CASP10: variants seen among roughly 807,000 people sequenced by gnomAD.
CASP10 encodes caspase 10, also known as caspase-10.
In CASP10, 41 loss-of-function variants were observed where a neutral mutation model predicts 48.5. That is an observed-to-expected ratio of 0.85 (90% CI 0.66 to 1.10). The LOEUF is 1.10. Among genes scored for constraint, CASP10 ranks in the 50% least tolerant of loss-of-function variants. The pLI is 0.00. For missense variants in CASP10, 614 were observed against 614.5 expected, an observed-to-expected ratio of 1.00 and a Z score of 0.01; for synonymous variants, 232 against 238.4, an observed-to-expected ratio of 0.97 and a Z score of 0.25.
chr2:201,224,756 G>A (rs1053327585), downstream of CASP10, among the ~76,000 whole-genome samples: 4 of 152,120 alleles, frequency 2.6e-5, no homozygotes, highest in Non-Finnish European at 4.4e-5. Flanking sequence ...TTTGAGCTGA[G>A]TACTGGTAAA....
At chr2:201,213,921 G>C (rs1945484653) in intron 9 of CASP10, 1 of 152,190 alleles carries the variant, frequency 6.6e-6, no homozygotes, top group African/African-American at 2.4e-5. Context: ...CTGAGGATGA[G>C]GGTAAGTCGC....
chr2:201,200,319 T>C (rs975509494), intron 5 of CASP10: 37 of 819,346 alleles, frequency 4.5e-5, no homozygotes, highest in Non-Finnish European at 6.6e-5. Context: ...TGATGATTCT[T>C]GTGTGATCCA....
intron 9 of CASP10, chr2:201,213,012 G>A (rs546673925): frequency 3.3e-5 from 5 of 152,200 alleles, no homozygotes; most frequent in African/African-American, 9.6e-5. Context: ...TTTTTGTGAG[G>A]GTTGATAAAG....
At chr2:201,188,410 C>T (rs972950200) in intron 3 of CASP10, among the ~76,000 whole-genome samples, 24 of 152,156 alleles carry the variant, frequency 1.6e-4, no homozygotes, top group African/African-American at 5.8e-4. Flanking sequence ...GAACTCCTGA[C>T]TTCAAGTGAT....
At position 201,219,899 on chromosome 2, in the gene CASP10, A is replaced by C; in HGVS notation, c.*2158A>C. 1 of 985,288 alleles carries C rather than the reference A, an allele frequency of 1.0e-6. No individual in the cohort carries two copies. The highest frequency in any genetic ancestry group is 1.2e-6 in the Non-Finnish European group (1 of 829,918). The allele number at this position is 985,288 out of a possible 1,614,324, so 61.0% of individuals were successfully genotyped here. On this transcript the variant is annotated 3_prime_UTR_variant, in exon 10 of 10. Transcript: ENST00000286186. The stretch of plus-strand genomic sequence containing the variant: ...TCACAGTCCTCATTTACTGGATTTG[A>C]CTTCAGCCAGGTGAACTGGAATGCC...
At chr2:201,188,543 ATC>A (rs1944494636) in intron 3 of CASP10, among the ~76,000 whole-genome samples, 1 of 151,786 alleles carries the variant, frequency 6.6e-6, no homozygotes, top group South Asian at 2.1e-4. Context: ...CTGCCCCCAA[ATC>A]TCTTTCTTTT....
In CASP10 at chr2:201,209,338, C is replaced by T. The variant is rs769490565; in HGVS notation, c.1191C>T (p.Phe397=). The change falls in exon 9 of 10, where the codon TTC becomes TTT. Residue 397 remains phenylalanine, a synonymous_variant. Transcript: ENST00000286186. ...PRLAEKPKLF[F]IQACQGEEIQ... ...TGGCTGAAAAACCTAAACTCTTTTT[C>T]ATCCAGGCCTGCCAAGGTGAAGAGA... 1.2e-6 allele frequency: 2 copies of T among 1,614,126 alleles called. No individual in the cohort carries two copies. Among genetic ancestry groups the T allele is most frequent in the Non-Finnish European group, 1.7e-6 (2 of 1,180,020 alleles).
At chr2:201,228,847 A>G (rs1559320283) in intron 9 of CASP10, 2 of 1,208,016 alleles carry the variant, frequency 1.7e-6, no homozygotes, top group Non-Finnish European at 1.2e-6. Flanking sequence ...TAAAAAAGCT[A>G]TGCCGGGGTC....
chr2:201,212,676 G>A (rs1166444943), intron 9 of CASP10: 1 of 152,168 alleles, frequency 6.6e-6, no homozygotes, highest in Non-Finnish European at 1.5e-5. Flanking sequence ...ATAAAGAGTT[G>A]GAAAATGTTG....
At chr2:201,202,036 G>C (rs1419781864) in intron 5 of CASP10, among the ~76,000 whole-genome samples, 2 of 152,252 alleles carry the variant, frequency 1.3e-5, no homozygotes, top group East Asian at 1.9e-4. Context: ...ATTTTTAGTA[G>C]AGATGGGGTT....
intron 3 of CASP10, among the ~76,000 whole-genome samples, chr2:201,191,898 A>G (rs1328616657): frequency 6.6e-6 from 1 of 152,218 alleles, no homozygotes; most frequent in Non-Finnish European, 1.5e-5. Context: ...ACAAAAAAGC[A>G]AAAAAAGAAC....
downstream of CASP10, among the ~76,000 whole-genome samples, chr2:201,226,606 C>G (rs1414679636): frequency 1.3e-5 from 2 of 152,098 alleles, no homozygotes; most frequent in African/African-American, 4.8e-5. Context: ...AGCCACCACG[C>G]CTGGCCCCAA....
At chr2:201,202,218 C>G (rs953753045) in intron 5 of CASP10, among the ~76,000 whole-genome samples, 2 of 152,142 alleles carry the variant, frequency 1.3e-5, no homozygotes, top group Non-Finnish European at 2.9e-5. Flanking sequence ...TGGAGGAGAC[C>G]TAACACCTGC....
intron 3 of CASP10, among the ~76,000 whole-genome samples, 158 bp from the exon 4 acceptor site, chr2:201,192,826 A>G (rs538504221): frequency 3.3e-5 from 5 of 152,240 alleles, no homozygotes; most frequent in Admixed American, 6.5e-5. Flanking sequence ...TTTGCTTGGT[A>G]ATGCCTCTTC....
intron 5 of CASP10, among the ~76,000 whole-genome samples, chr2:201,199,666 C>T (rs368152985): frequency 2.7e-5 from 4 of 150,924 alleles, no homozygotes; most frequent in African/African-American, 9.8e-5. Context: ...CCTCCACCTC[C>T]CAGGTTAAAG....
In CASP10 at chr2:201,186,160, C is replaced by G. The variant is rs747046527; in HGVS notation, c.347+36C>G. The G allele has an allele frequency of 5.4e-5, 80 of 1,476,762 alleles. 1 individual carries two copies. The South Asian group carries it at 8.4e-4, about 16-fold the overall frequency. 91.5% of individuals were successfully genotyped at this position (1,476,762 alleles called of 1,614,324 possible). A position where few individuals can be genotyped will look rare whatever the true frequency, so the allele number is the denominator to read the frequency against. On this transcript the variant is annotated intron_variant, in intron 2 of 9. Transcript: ENST00000286186. ...GTCTGTGGTGGAGATGGGAGGATCT[C>G]CCATCTAGTGTTCATTCTGGCCATT...
chr2:201,187,727 A>G lies in CASP10; in HGVS notation c.369A>G (p.Ser123=). Reference sequence around the variant, plus strand: ...TTAGAAACCTGCTCTACGAACTGTCAGAAGGCATTGACTCAGAGAACTTAA... The same window carrying G: ...TTAGAAACCTGCTCTACGAACTGTCGGAAGGCATTGACTCAGAGAACTTAA... ...SLFRNLLYEL[S]EGIDSENLKD... The change falls in exon 3 of 10, where the codon TCA becomes TCG. Residue 123 remains serine (S), a synonymous_variant. Coordinates refer to ENST00000286186, the MANE Select transcript of CASP10 (RefSeq NM_032977.4). 6.2e-7 allele frequency: 1 copy of G among 1,614,076 alleles called. No homozygotes were observed. The highest frequency in any genetic ancestry group is 1.1e-5 in the South Asian group (1 of 91,090).
chr2:201,198,757 G>T (rs1385900895), intron 5 of CASP10, among the ~76,000 whole-genome samples: 3 of 147,012 alleles, frequency 2.0e-5, no homozygotes, highest in Non-Finnish European at 4.5e-5. Context: ...AGCCAGGATG[G>T]TCTCAATCTC....
At chr2:201,190,225 G>A (rs41440744) in intron 3 of CASP10, among the ~76,000 whole-genome samples, 2 of 152,004 alleles carry the variant, frequency 1.3e-5, no homozygotes, top group South Asian at 2.1e-4. Context: ...CCACAAACTC[G>A]ATGCTGGCAT....
Sources: gnomAD v4.1 joint callset for allele counts (sites outside exome capture counted in the v4.1 genomes callset) on GRCh38, gnomAD v4.1.1 for gene constraint, MANE v1.5 for transcripts, NCBI Gene and HGNC (gene_info 2026-07-23, HGNC 2026-07-21) for gene names.